SYNPR: variants seen among roughly 807,000 people sequenced by gnomAD.
SYNPR encodes synaptoporin.
In SYNPR, 23 loss-of-function variants were observed where a neutral mutation model predicts 32.9. That is an observed-to-expected ratio of 0.70 (90% CI 0.50 to 0.99). The LOEUF (loss-of-function observed/expected upper bound fraction) is 0.99, where lower values mean the gene tolerates loss of function less well. SYNPR is among the 50% of genes least tolerant of loss of function. SYNPR has a pLI of 0.00. For synonymous variants in SYNPR, 146 were observed against 135.9 expected (o/e 1.07, Z -0.52); for missense variants, 318 against 349.3 (o/e 0.91, Z 0.71).
chr3:63,401,275 C>T (rs920159644), intron 2 of SYNPR, among the ~76,000 whole-genome samples: 1 of 152,056 alleles, frequency 6.6e-6, no homozygotes, highest in African/African-American at 2.4e-5. Context: ...TTATGAGTGG[C>T]CTGCAGGTGT....
At chr3:63,442,884 C>A (rs767039773) in intron 2 of SYNPR, among the ~76,000 whole-genome samples, 1 of 152,164 alleles carries the variant, frequency 6.6e-6, no homozygotes, top group Admixed American at 6.5e-5. Context: ...AACATAACAA[C>A]ATTTACTTAA....
intron 4 of SYNPR, among the ~76,000 whole-genome samples, chr3:63,575,404 G>T (rs1452697879): frequency 6.6e-6 from 1 of 151,888 alleles, no homozygotes; most frequent in East Asian, 1.9e-4. Context: ...TAAAGATGTG[G>T]CACACTCTCA....
rs1700285526 is a variant in SYNPR at position 63,616,888 on chromosome 3, T to A, written c.*1407T>A. 6.6e-6 allele frequency: 1 copy of A among 152,388 alleles called. No homozygotes were observed. Among genetic ancestry groups the A allele is most frequent in the East Asian group, 1.9e-4 (1 of 5,190 alleles). The allele number at this position is 152,388 out of a possible 1,614,324, so 9.4% of individuals were successfully genotyped here. ...CCCGTTGGATAAAACTGTATTGTGATATCTATTTGATGTTAATAAAGTTAT... is the reference window on the plus strand; with the variant it reads ...CCCGTTGGATAAAACTGTATTGTGAAATCTATTTGATGTTAATAAAGTTAT... On this transcript the variant is annotated 3_prime_UTR_variant, in exon 6 of 6. Transcript: ENST00000478300.
chr3:63,489,559 A>AT (rs1441983526), intron 3 of SYNPR, among the ~76,000 whole-genome samples: 1 of 152,092 alleles, frequency 6.6e-6, no homozygotes, highest in African/African-American at 2.4e-5. Flanking sequence ...ATTCTTATTA[A>AT]TTTTTTATTA....
intron 2 of SYNPR, among the ~76,000 whole-genome samples, chr3:63,364,911 C>A (rs181028916): frequency 6.6e-6 from 1 of 152,038 alleles, no homozygotes; most frequent in Non-Finnish European, 1.5e-5. Context: ...TGAATATCCT[C>A]GGTGGCTGAA....
At chr3:63,262,506 ACTGTATC>A (rs533573212) in intron 2 of SYNPR, among the ~76,000 whole-genome samples, 142 of 152,282 alleles carry the variant, frequency 9.3e-4, no homozygotes, top group African/African-American at 3.2e-3. Context: ...AGACTGTGAT[ACTGTATC>A]CTTCCAGGAC....
intron 2 of SYNPR, among the ~76,000 whole-genome samples, chr3:63,407,017 G>C (rs2088369526): frequency 6.6e-6 from 1 of 152,184 alleles, no homozygotes; most frequent in African/African-American, 2.4e-5. Flanking sequence ...TGCGCTACTT[G>C]TCCTAGTCCC....
intron 2 of SYNPR, among the ~76,000 whole-genome samples, chr3:63,389,954 T>C (rs936130031): frequency 5.9e-5 from 9 of 152,236 alleles, no homozygotes; most frequent in Admixed American, 2.0e-4. Context: ...TTGTAGTTAA[T>C]AGCAAGCCCA....
intron 1 of SYNPR, among the ~76,000 whole-genome samples, chr3:63,241,294 A>G (rs1046485070): frequency 2.0e-5 from 3 of 152,110 alleles, no homozygotes; most frequent in Non-Finnish European, 2.9e-5. Context: ...AAAATGGCAA[A>G]TATTATTGGC....
chr3:63,203,068 G>GTATATATATATATA, the SYNPR span: 1,836 of 107,256 alleles, frequency 0.017, 34 homozygotes, highest in Middle Eastern at 0.028. Context: ...ATATGTATGT[G>GTATATATATATATA]TATATATATA....
chr3:63,606,559 T>A (rs1471460674), intron 4 of SYNPR, among the ~76,000 whole-genome samples: 1 of 151,360 alleles, frequency 6.6e-6, no homozygotes, highest in Non-Finnish European at 1.5e-5. Context: ...GGCTCACAGG[T>A]TGATAGGACT....
At chr3:63,331,236 C>T (rs968354126) in intron 2 of SYNPR, among the ~76,000 whole-genome samples, 1 of 152,162 alleles carries the variant, frequency 6.6e-6, no homozygotes, top group Non-Finnish European at 1.5e-5. Flanking sequence ...ACAGAGTTTA[C>T]AGGTGAAAAT....
chr3:63,599,845 T>C (rs1017971192), intron 4 of SYNPR, among the ~76,000 whole-genome samples: 9 of 152,236 alleles, frequency 5.9e-5, no homozygotes, highest in African/African-American at 2.2e-4. Flanking sequence ...AGTACACATA[T>C]AATTTCTAAG....
intron 2 of SYNPR, among the ~76,000 whole-genome samples, chr3:63,384,985 A>G (rs986223378): frequency 3.3e-5 from 5 of 152,160 alleles, no homozygotes; most frequent in African/African-American, 1.2e-4. Context: ...TGGAAAAACC[A>G]TGAGATTCCA....
chr3:63,432,698 C>G (rs1362470466), intron 2 of SYNPR, among the ~76,000 whole-genome samples: 2 of 152,030 alleles, frequency 1.3e-5, no homozygotes, highest in African/African-American at 4.8e-5. Context: ...TGAGGCCTCA[C>G]TGATCTTGTT....
chr3:63,372,132 G>A (rs1461964339), intron 2 of SYNPR, among the ~76,000 whole-genome samples: 1 of 152,090 alleles, frequency 6.6e-6, no homozygotes, highest in African/African-American at 2.4e-5. Context: ...CTCTGCCACT[G>A]CCACGACAGT....
At chr3:63,320,793 T>A (rs2106967528) in intron 2 of SYNPR, among the ~76,000 whole-genome samples, 1 of 152,222 alleles carries the variant, frequency 6.6e-6, no homozygotes, top group East Asian at 1.9e-4. Context: ...GAGGGGCAGA[T>A]ACAAATTTTA....
chr3:63,476,148 AGGGAGGGAGGGAGGGAGGGAGGGAG>A (rs1700904674), intron 2 of SYNPR, among the ~76,000 whole-genome samples: 8 of 22,100 alleles, frequency 3.6e-4, no homozygotes, highest in East Asian at 2.8e-3. Flanking sequence ...GAAGGAAGGA[AGGGAGGGAGGGAGGGAGGGAGGGAG>A]GGAAGGAAGG....
At chr3:63,252,506 G>A (rs1409635332) in exon 2 of SYNPR, 1 of 152,090 alleles carries the variant, frequency 6.6e-6, no homozygotes, top group South Asian at 2.1e-4. Context: ...CAGTTACAAA[G>A]AGTGTTACAC....
Sources: allele counts gnomAD v4.1 joint callset (sites outside exome capture counted in the v4.1 genomes callset), GRCh38; gene constraint gnomAD v4.1.1; transcripts MANE v1.5; gene names NCBI Gene and HGNC (gene_info 2026-07-23, HGNC 2026-07-21).